The following BMP2K variants were observed in gnomAD, a reference collection of about 807,000 sequenced individuals.
BMP2K encodes BMP2 inducible kinase, also known as BMP-2-inducible protein kinase.
A neutral mutation model predicts 116.0 loss-of-function variants in BMP2K; 74 were observed. The ratio of observed to expected loss-of-function variants is 0.64; its 90% confidence interval spans 0.53 to 0.77. The LOEUF is 0.77. BMP2K is among the 30% of genes least tolerant of loss of function. BMP2K has a pLI of 0.00. For synonymous variants in BMP2K, 486 were observed against 502.5 expected (o/e 0.97, Z 0.44); for missense variants, 1,365 against 1,403.6 (o/e 0.97, Z 0.44).
chr4:78,904,348 G>A (rs1382504474), intron 15 of BMP2K, among the ~76,000 whole-genome samples: 1 of 151,890 alleles, frequency 6.6e-6, no homozygotes, highest in African/African-American at 2.4e-5. Flanking sequence ...CCTTGGCACT[G>A]TGCTTCAGGA....
At chr4:78,867,724 T>C (rs1553918876) in intron 10 of BMP2K, among the ~76,000 whole-genome samples, 1 of 152,220 alleles carries the variant, frequency 6.6e-6, no homozygotes, top group Non-Finnish European at 1.5e-5. Context: ...TTTATGTTTT[T>C]ACATGTGTAT....
At chr4:78,837,092 C>T (rs1730523189) in intron 3 of BMP2K, among the ~76,000 whole-genome samples, 1 of 151,684 alleles carries the variant, frequency 6.6e-6, no homozygotes, top group South Asian at 2.1e-4. Flanking sequence ...TTCTTATTTT[C>T]CTTTTCTTTA....
chr4:78,874,883 ACTTTT>A (rs1268924160), intron 13 of BMP2K, among the ~76,000 whole-genome samples: 2 of 151,988 alleles, frequency 1.3e-5, no homozygotes, highest in Non-Finnish European at 2.9e-5. Context: ...TACATTAGAC[ACTTTT>A]CTTTTAATTT....
intron 7 of BMP2K, among the ~76,000 whole-genome samples, chr4:78,851,813 A>G (rs1252805348): frequency 1.3e-5 from 2 of 152,138 alleles, no homozygotes; most frequent in East Asian, 3.8e-4. Flanking sequence ...ATTATTTATA[A>G]GAGTAGAATG....
At chr4:78,855,635 C>T (rs898144671) in intron 7 of BMP2K, among the ~76,000 whole-genome samples, 14 of 152,240 alleles carry the variant, frequency 9.2e-5, no homozygotes, top group Middle Eastern at 6.8e-3. Flanking sequence ...TTGTGCTTTT[C>T]TATGCAATAT....
intron 1 of BMP2K, among the ~76,000 whole-genome samples, chr4:78,790,194 A>G (rs996733843): frequency 3.9e-5 from 6 of 152,234 alleles, no homozygotes; most frequent in African/African-American, 1.4e-4. Flanking sequence ...TACACAGGCA[A>G]GTAAAAAGTT....
intron 3 of BMP2K, among the ~76,000 whole-genome samples, chr4:78,841,132 T>G (rs540911408): frequency 3.3e-5 from 5 of 152,258 alleles, no homozygotes; most frequent in Admixed American, 2.0e-4. Context: ...TCTTTTTGCT[T>G]TAAAATTCTA....
chr4:78,872,841 G>C (rs1436436411), intron 13 of BMP2K, 43 bp downstream of exon 13: 3 of 1,574,524 alleles, frequency 1.9e-6, no homozygotes, highest in Non-Finnish European at 1.7e-6. Flanking sequence ...TATTGTGGAA[G>C]TGGAAGTCAT....
chr4:78,892,650 A>C (rs1214524696), intron 15 of BMP2K, among the ~76,000 whole-genome samples: 1 of 152,238 alleles, frequency 6.6e-6, no homozygotes, highest in Non-Finnish European at 1.5e-5. Flanking sequence ...CTTTGGAGAT[A>C]CTGCAGGTTC....
intron 14 of BMP2K, among the ~76,000 whole-genome samples, chr4:78,881,650 G>A (rs901114919): frequency 6.6e-6 from 1 of 152,082 alleles, no homozygotes; most frequent in East Asian, 1.9e-4. Flanking sequence ...TATTTGATGA[G>A]TTTATATTAT....
chr4:78,890,992 A>G (rs1181131638), intron 15 of BMP2K, among the ~76,000 whole-genome samples: 1 of 152,146 alleles, frequency 6.6e-6, no homozygotes, highest in African/African-American at 2.4e-5. Flanking sequence ...TGAGGCCAAG[A>G]GTTTAAGACC....
chr4:78,781,848 A>G (rs1228808154), intron 1 of BMP2K, among the ~76,000 whole-genome samples: 1 of 152,128 alleles, frequency 6.6e-6, no homozygotes, highest in African/African-American at 2.4e-5. Context: ...ACCGAGTACC[A>G]CTGATTTCGA....
chr4:78,901,230 A>G (rs947915067), intron 15 of BMP2K, among the ~76,000 whole-genome samples: 1 of 142,104 alleles, frequency 7.0e-6, no homozygotes, highest in Non-Finnish European at 1.5e-5. Context: ...TTATTTTATT[A>G]TTTTTTTTTT....
rs752405558 is a variant in BMP2K at position 78,870,982 on chromosome 4, ACAGCAG to A, written c.1455_1460del (p.Gln485_Gln486del). ...AGCAACAGCAGCAGCAGCAACAGCAACAGCAGCAGCAGCAGCAGCAGCAGCAGCACC... is the reference window on the plus strand; with the variant it reads ...AGCAACAGCAGCAGCAGCAACAGCAACAGCAGCAGCAGCAGCAGCAGCACC... On this transcript the variant is annotated inframe_deletion, in exon 11 of 16. Coordinates refer to ENST00000502613, the MANE Select transcript of BMP2K (RefSeq NM_198892.2). 109 of 1,597,020 alleles carry A rather than the reference ACAGCAG, an allele frequency of 6.8e-5. 1 individual carries two copies. Among genetic ancestry groups the A allele is most frequent in the South Asian group, 5.2e-4 (47 of 90,500 alleles).
At chr4:78,808,368 C>G (rs28781350) in intron 1 of BMP2K, among the ~76,000 whole-genome samples, 3,529 of 151,456 alleles carry the variant, frequency 0.023, 130 homozygotes, top group African/African-American at 0.078. Flanking sequence ...TGGGTTCACA[C>G]CATTCTCCCG....
chr4:78,887,316 C>G (rs1733150835), intron 15 of BMP2K, 32 bp downstream of exon 15: 2 of 1,445,226 alleles, frequency 1.4e-6, no homozygotes, highest in Non-Finnish European at 1.9e-6. Flanking sequence ...ATCACTGTCA[C>G]AAATAAAACA....
At chr4:78,790,074 A>G (rs1421945972) in intron 1 of BMP2K, among the ~76,000 whole-genome samples, 1 of 152,240 alleles carries the variant, frequency 6.6e-6, no homozygotes, top group Non-Finnish European at 1.5e-5. Flanking sequence ...TTAAACTTGG[A>G]ATACAAAACA....
Position 78,861,428 on chromosome 4 carries a change from G to A in BMP2K, c.1027G>A (p.Ala343Thr), listed in dbSNP as rs761584223. 12 of 1,608,020 alleles carry A rather than the reference G, an allele frequency of 7.5e-6. No individual in the cohort carries two copies. In the Admixed American group the frequency reaches 1.5e-4, roughly 20 times the overall value. ...TTCAGCTCTTCCTGAACCGATGACT[G>A]CTAGTGAAGCAGCTGCTAGGAAAAG... is the stretch of plus-strand genomic sequence containing the variant. ...IPSALPEPMT[A>T]SEAAARKSQI... is the part of the protein sequence containing the mutation. Residue 343 changes from alanine to threonine, a missense_variant, in exon 9 of 16, where the codon GCT (alanine) becomes ACT (threonine). Physicochemically the swap from Ala to Thr is moderately conservative, Grantham distance 58. Transcript: ENST00000502613.
intron 1 of BMP2K, among the ~76,000 whole-genome samples, chr4:78,802,922 T>C (rs1485372468): frequency 6.6e-6 from 1 of 152,154 alleles, no homozygotes; most frequent in Non-Finnish European, 1.5e-5. Flanking sequence ...CATTCCTGGC[T>C]CACTGCAACC....
Sources: allele counts gnomAD v4.1 joint callset (sites outside exome capture counted in the v4.1 genomes callset), GRCh38; gene constraint gnomAD v4.1.1; transcripts MANE v1.5; gene names NCBI Gene and HGNC (gene_info 2026-07-23, HGNC 2026-07-21).